The following PPWD1 variants were observed in gnomAD, a reference collection of about 807,000 sequenced individuals.
PPWD1 encodes the protein peptidylprolyl isomerase domain and WD repeat containing 1.
In PPWD1, 43 loss-of-function variants were observed where a neutral mutation model predicts 68.8. That is an observed-to-expected ratio of 0.62 (90% confidence interval 0.49 to 0.81). The LOEUF is 0.81. PPWD1 is among the 30% of genes least tolerant of loss of function. The pLI, the probability that PPWD1 is intolerant of heterozygous loss-of-function variation, is 0.00. For synonymous variants in PPWD1, 232 were observed against 258.7 expected (o/e 0.90, Z 0.99); for missense variants, 672 against 804.8 (o/e 0.83, Z 2.00).
chr5:65,582,190 A>G lies in PPWD1; in HGVS notation c.1351-848A>G, dbSNP rs138162640. ...CACTAGCTTTACGTTCCCATAATTA[A>G]GTTACATCAGATAGAGGTTGCTTAG... On this transcript the variant is annotated intron_variant, in intron 7 of 10. Coordinates refer to ENST00000261308, the MANE Select transcript of PPWD1 (RefSeq NM_015342.4). Among the ~76,000 whole-genome samples the G allele has an allele frequency of 3.9e-5, 6 of 152,304 alleles. No individual in the cohort carries two copies. The East Asian group carries it at 1.2e-3, about 29-fold the overall frequency.
chr5:65,585,866 G>C (rs889783373), intron 9 of PPWD1, 133 bp from the exon 10 acceptor site: 1 of 1,365,826 alleles, frequency 7.3e-7, no homozygotes, highest in Non-Finnish European at 9.6e-7. Context: ...TAAGTGTTAA[G>C]GGTTTAATCA....
chr5:65,563,404 C>G lies in PPWD1; in HGVS notation c.94C>G (p.Leu32Val). ...AAAAACAGAACTCAGCGAAAGAGAG[C>G]TGGCAGTAGCAGTGGCGGTGTCCCA... ...PEKTELSERE[L>V]AVAVAVSQEN... is the part of the protein sequence containing the mutation. Residue 32 changes from leucine to valine, a missense_variant, in exon 1 of 11, where the codon CTG (leucine) becomes GTG (valine). Leu to Val is a conservative substitution (Grantham distance 32). Around this residue, in one of 2 missense-constraint regions of PPWD1, gnomAD observed 188 missense variants for 158.6 expected, o/e 1.19. Coordinates refer to ENST00000261308, the MANE Select transcript of PPWD1 (RefSeq NM_015342.4). The G allele has an allele frequency of 6.2e-7, 1 of 1,614,136 alleles. No homozygotes were observed. The highest frequency in any genetic ancestry group is 8.5e-7 in the Non-Finnish European group (1 of 1,180,012).
intron 5 of PPWD1, 121 bp from the exon 6 acceptor site, chr5:65,576,758 G>T (rs1688331339): frequency 7.9e-7 from 1 of 1,264,584 alleles, no homozygotes; most frequent in Middle Eastern, 2.2e-4. Flanking sequence ...CAAACAGTTA[G>T]TGGCTCTTAA....
intron 6 of PPWD1, among the ~76,000 whole-genome samples, chr5:65,579,068 A>C (rs1056524528): frequency 1.3e-5 from 2 of 151,824 alleles, no homozygotes; most frequent in Non-Finnish European, 2.9e-5. Flanking sequence ...GGTGCCTGCC[A>C]CCATGCTTGA....
chr5:65,580,125 T>C (rs1473790750), intron 7 of PPWD1, among the ~76,000 whole-genome samples: 2 of 152,156 alleles, frequency 1.3e-5, no homozygotes, highest in African/African-American at 2.4e-5. Context: ...TAACTAAGAC[T>C]GAGATAGTTA....
At chr5:65,570,094 C>T (rs13167451) in intron 4 of PPWD1, 96 bp downstream of exon 4, 1 of 1,240,850 alleles carries the variant, frequency 8.1e-7, no homozygotes, top group African/African-American at 1.5e-5. Flanking sequence ...TAGTATATTA[C>T]CATATCTTTA....
At chr5:65,577,740 AAC>A (rs1278391973) in intron 6 of PPWD1, among the ~76,000 whole-genome samples, 1 of 152,130 alleles carries the variant, frequency 6.6e-6, no homozygotes, top group Admixed American at 6.5e-5. Flanking sequence ...TACTTTTTTG[AAC>A]AGTTTTAGGT....
chr5:65,571,905 C>T lies in PPWD1; in HGVS notation c.588C>T (p.Ser196=), dbSNP rs143809868. The change falls in exon 5 of 11, where the codon TCC becomes TCT. Residue 196 remains serine, a synonymous_variant. Transcript: ENST00000261308. ...PGDAISSVAA[S]EKSTGKIFIY... ...ATGCAATTTCTTCAGTTGCTGCTTCCGAAAAGAGTACAGGAAAAATTTTCA... is the reference window on the plus strand; with the variant it reads ...ATGCAATTTCTTCAGTTGCTGCTTCTGAAAAGAGTACAGGAAAAATTTTCA... 7.4e-6 allele frequency: 12 copies of T among 1,613,908 alleles called. No individual in the cohort carries two copies. The highest frequency in any genetic ancestry group is 6.7e-5 in the Admixed American group (4 of 59,988).
intron 1 of PPWD1, among the ~76,000 whole-genome samples, chr5:65,566,290 AG>A (rs1161386114): frequency 6.6e-6 from 1 of 152,196 alleles, no homozygotes. Context: ...AGAAGTTCCT[AG>A]GCTCTCTCCA....
Position 65,587,444 on chromosome 5 carries a change from CAG to C in PPWD1, c.*50_*51del, listed in dbSNP as rs141493463. On this transcript the variant is annotated 3_prime_UTR_variant, in exon 11 of 11. Transcript: ENST00000261308. ...TTGCAAATAAAAATACAATATTAAA[CAG>C]ATTATTTTACATTAGGAAGCTTAGG... 1,488 of 1,434,572 alleles carry C rather than the reference CAG, an allele frequency of 1.0e-3. 32 individuals are homozygous for C. The East Asian group carries it at 0.035, about 34-fold the overall frequency. 88.9% of individuals were successfully genotyped at this position (1,434,572 alleles called of 1,614,324 possible). A position where few individuals can be genotyped will look rare whatever the true frequency, so the allele number is the denominator to read the frequency against.
chr5:65,578,751 C>CATATATGTGTATATATATACACAT (rs1753436103), intron 6 of PPWD1, among the ~76,000 whole-genome samples: 4 of 138,458 alleles, frequency 2.9e-5, no homozygotes, highest in African/African-American at 8.2e-5. Context: ...TATATACACA[C>CATATATGTGTATATATATACACAT]ATATATGTGT....
intron 2 of PPWD1, 177 bp downstream of exon 2, chr5:65,567,792 A>G (rs1398772796): frequency 2.0e-5 from 23 of 1,166,330 alleles, no homozygotes; most frequent in Non-Finnish European, 2.4e-5. Context: ...TGCATTCTCT[A>G]AGATAGAACC....
intron 1 of PPWD1, among the ~76,000 whole-genome samples, chr5:65,566,995 A>G (rs77792975): frequency 0.01 from 1,564 of 152,202 alleles, 32 homozygotes; most frequent in African/African-American, 0.035. Flanking sequence ...ATAAAAATCT[A>G]AGAATTTTAC....
chr5:65,579,395 T>C, intron 6 of PPWD1, 29 bp from the exon 7 acceptor site: 1 of 1,435,956 alleles, frequency 7.0e-7, no homozygotes, highest in Non-Finnish European at 9.2e-7. Context: ...TCGGTGATTC[T>C]GTTGTATAAA....
At chr5:65,585,175 T>C (rs1753779365) in intron 9 of PPWD1, 80 bp downstream of exon 9, 2 of 1,350,278 alleles carry the variant, frequency 1.5e-6, no homozygotes, top group Non-Finnish European at 2.1e-6. Context: ...GGAATCTTCT[T>C]CTCTCACACT....
intron 7 of PPWD1, among the ~76,000 whole-genome samples, chr5:65,581,559 C>T (rs1334739008): frequency 1.3e-5 from 2 of 152,112 alleles, no homozygotes; most frequent in African/African-American, 2.4e-5. Context: ...GCACTTCAGC[C>T]TAGGTGACAG....
At chr5:65,585,238 GGA>G (rs1753784789) in intron 9 of PPWD1, 143 bp downstream of exon 9, 1 of 751,950 alleles carries the variant, frequency 1.3e-6, no homozygotes, top group Admixed American at 2.9e-5. Context: ...AGCCAAAGGA[GGA>G]GTGGATGGTC....
At chr5:65,586,213 G>C in intron 10 of PPWD1, 32 bp downstream of exon 10, 1 of 1,584,088 alleles carries the variant, frequency 6.3e-7, no homozygotes, top group Non-Finnish European at 8.6e-7. Context: ...ATAAACTACA[G>C]ATTGATAGGT....
chr5:65,564,366 C>G (rs939330918), intron 1 of PPWD1, among the ~76,000 whole-genome samples: 2 of 145,870 alleles, frequency 1.4e-5, no homozygotes, highest in African/African-American at 5.1e-5. Context: ...GCTCTGTCGC[C>G]CAGGCTGGAG....
Sources: gnomAD v4.1 joint callset for allele counts (sites outside exome capture counted in the v4.1 genomes callset) on GRCh38, gnomAD v4.1.1 for gene constraint, gnomAD v4.1.1 regional missense constraint, MANE v1.5 for transcripts, NCBI Gene and HGNC (gene_info 2026-07-23, HGNC 2026-07-21) for gene names.